Variants in ABR observed in about 807,000 individuals in gnomAD.
The protein encoded by ABR is active breakpoint cluster region-related protein.
Under a neutral mutation model 107.2 loss-of-function variants are expected in ABR, and 35 were observed. That is an observed-to-expected ratio of 0.33 (90% CI 0.25 to 0.43). The LOEUF (loss-of-function observed/expected upper bound fraction) is 0.43, where lower values mean the gene tolerates loss of function less well. Ranked by LOEUF, ABR falls within the 20% of genes least tolerant of loss-of-function variation. The pLI, the probability that ABR is intolerant of heterozygous loss-of-function variation, is 1.00. For synonymous variants in ABR, 498 were observed against 462.0 expected, an observed-to-expected ratio of 1.08 and a Z score of -1.00; for missense variants, 815 against 1,115.2, an observed-to-expected ratio of 0.73 and a Z score of 3.83.
intron 2 of ABR, among the ~76,000 whole-genome samples, chr17:1,107,014 T>G (rs2038298587): frequency 6.6e-6 from 1 of 152,250 alleles, no homozygotes; most frequent in Admixed American, 6.5e-5. Flanking sequence ...CCCACCGCTC[T>G]GTGGCCACCT....
chr17:1,066,239 A>G (rs974879487), intron 10 of ABR, among the ~76,000 whole-genome samples: 1 of 152,200 alleles, frequency 6.6e-6, no homozygotes, highest in African/African-American at 2.4e-5. Flanking sequence ...CATGACTTGT[A>G]TGCTATCAAC....
chr17:1,173,015 C>A (rs1424727641), intron 1 of ABR, among the ~76,000 whole-genome samples: 2 of 133,242 alleles, frequency 1.5e-5, no homozygotes, highest in African/African-American at 2.7e-5. Flanking sequence ...CACCTCAGTC[C>A]ACCCAACACA....
At chr17:1,101,765 G>T (rs534925705) in intron 2 of ABR, among the ~76,000 whole-genome samples, 7 of 147,558 alleles carry the variant, frequency 4.7e-5, no homozygotes, top group East Asian at 2.0e-4. Flanking sequence ...ACGGAGTCTC[G>T]CTCTGTCGCC....
intron 1 of ABR, among the ~76,000 whole-genome samples, chr17:1,142,516 C>T (rs1469575382): frequency 1.3e-5 from 2 of 150,238 alleles, no homozygotes; most frequent in Non-Finnish European, 3.0e-5. Context: ...ACCCGGGAGG[C>T]GGATGTTGCA....
At chr17:1,056,390 C>G (rs138509984) in intron 13 of ABR, among the ~76,000 whole-genome samples, 2 of 152,282 alleles carry the variant, frequency 1.3e-5, no homozygotes, top group East Asian at 3.9e-4. Flanking sequence ...CCCATGGGTA[C>G]TGTCTCTCCC....
intron 1 of ABR, among the ~76,000 whole-genome samples, chr17:1,196,643 C>T (rs1294975767): frequency 6.6e-6 from 1 of 150,644 alleles, no homozygotes; most frequent in African/African-American, 2.4e-5. Flanking sequence ...GAACAAGGCT[C>T]GAGTCCCTGG....
intron 10 of ABR, among the ~76,000 whole-genome samples, chr17:1,064,965 A>G (rs1174203290): frequency 1.8e-4 from 13 of 72,648 alleles, no homozygotes; most frequent in African/African-American, 3.3e-4. Flanking sequence ...TCCTCTAGAC[A>G]CTGCTGTTAC....
chr17:1,047,849 AT>A (rs1442844389), intron 16 of ABR, among the ~76,000 whole-genome samples: 35 of 152,216 alleles, frequency 2.3e-4, no homozygotes, highest in African/African-American at 8.2e-4. Context: ...GAGGGAAGCA[AT>A]GGGGCTGAAG....
intron 1 of ABR, among the ~76,000 whole-genome samples, chr17:1,126,999 A>G (rs1364510260): frequency 6.6e-6 from 1 of 152,192 alleles, no homozygotes; most frequent in African/African-American, 2.4e-5. Context: ...ACCAGCCCAC[A>G]GGCAACCAGC....
chr17:1,055,216 T>A (rs1387954624), intron 14 of ABR: 1 of 152,028 alleles, frequency 6.6e-6, no homozygotes, highest in Non-Finnish European at 1.5e-5. Context: ...AAAAAAAAAT[T>A]TTTTAAAAAT....
chr17:1,122,565 C>T (rs1465162271), intron 2 of ABR, among the ~76,000 whole-genome samples: 1 of 152,216 alleles, frequency 6.6e-6, no homozygotes, highest in Non-Finnish European at 1.5e-5. Context: ...ACTGGCTCTT[C>T]CTGAGCCTCG....
rs139443804 is a variant in ABR at position 1,031,098 on chromosome 17, T to G, written c.1792-17934A>C. Among the ~76,000 whole-genome samples, 74 of 152,226 alleles carry G rather than the reference T, an allele frequency of 4.9e-4. 1 individual carries two copies. In the East Asian group the frequency reaches 0.013, roughly 26 times the overall value. On this transcript the variant is annotated intron_variant, in intron 16 of 22. Transcript: ENST00000302538. Reference sequence around the variant, plus strand: ...GGCACTGGGCCCACAGTCAGATGGGTGGTCCCTGAAGGGAAGCCTCGAGCC... The same window carrying G: ...GGCACTGGGCCCACAGTCAGATGGGGGGTCCCTGAAGGGAAGCCTCGAGCC...
At position 1,050,692 on chromosome 17, in the gene ABR, G is replaced by C. The variant is rs894896700; in HGVS notation, c.1562-58C>G. The C allele has an allele frequency of 7.0e-7, 1 of 1,431,234 alleles. No individual in the cohort carries two copies. Among genetic ancestry groups the C allele is most frequent in the African/African-American group, 1.4e-5 (1 of 71,104 alleles). 88.7% of individuals were successfully genotyped at this position (1,431,234 alleles called of 1,614,324 possible). A position where few individuals can be genotyped will look rare whatever the true frequency, so the allele number is the denominator to read the frequency against. Reference sequence around the variant, plus strand: ...GAGTGGGGCCAGGGTGGGGCAGCTGGGGCGGCACTCAGGATGGAGGGGGAC... The same window carrying C: ...GAGTGGGGCCAGGGTGGGGCAGCTGCGGCGGCACTCAGGATGGAGGGGGAC... On this transcript the variant is annotated intron_variant, in intron 14 of 22. Coordinates refer to ENST00000302538, the MANE Select transcript of ABR (RefSeq NM_021962.5). The surrounding 1 kb of genome is among the most constrained non-coding windows in gnomAD (Gnocchi z 4.6).
At chr17:1,077,979 G>A (rs946117369) in intron 6 of ABR, among the ~76,000 whole-genome samples, 1 of 152,258 alleles carries the variant, frequency 6.6e-6, no homozygotes, top group Admixed American at 6.5e-5. Flanking sequence ...TACCTGGGCC[G>A]GCTTCATCCT....
chr17:1,026,032 T>TCA (rs1404055294), intron 16 of ABR, among the ~76,000 whole-genome samples: 1 of 152,202 alleles, frequency 6.6e-6, no homozygotes, highest in Non-Finnish European at 1.5e-5. Flanking sequence ...TGGCTGGCAT[T>TCA]GGCCCAGGTG....
At chr17:1,137,498 C>T (rs1409734523) in intron 1 of ABR, among the ~76,000 whole-genome samples, 1 of 152,064 alleles carries the variant, frequency 6.6e-6, no homozygotes, top group Non-Finnish European at 1.5e-5. Flanking sequence ...GGCTGGTGGG[C>T]GGAACAGCCA....
chr17:1,222,325 A>G (rs1241892742), intron 1 of ABR, among the ~76,000 whole-genome samples: 4 of 152,126 alleles, frequency 2.6e-5, no homozygotes, highest in African/African-American at 9.7e-5. Context: ...TCGGCCTCCC[A>G]AAGTGCTGGG....
intron 5 of ABR, among the ~76,000 whole-genome samples, chr17:1,081,495 C>T (rs111850763): frequency 3.1e-3 from 466 of 152,358 alleles, no homozygotes; most frequent in African/African-American, 0.011. Context: ...GCCATCCTCT[C>T]TCTGCACACT....
At chr17:1,208,507 A>T (rs1051098164) in intron 1 of ABR, among the ~76,000 whole-genome samples, 1 of 152,200 alleles carries the variant, frequency 6.6e-6, no homozygotes, top group Non-Finnish European at 1.5e-5. Flanking sequence ...AGTCCTTGCT[A>T]CTAATGAGAT....
Sources: allele counts gnomAD v4.1 joint callset (sites outside exome capture counted in the v4.1 genomes callset), GRCh38; gene constraint gnomAD v4.1.1; non-coding constraint Gnocchi (gnomAD v3.1); transcripts MANE v1.5; gene names NCBI Gene and HGNC (gene_info 2026-07-23, HGNC 2026-07-21).